The following RALA variants were observed in gnomAD, a reference collection of about 807,000 sequenced individuals.
RALA encodes RAS like proto-oncogene A.
In RALA, 5 loss-of-function variants were observed where a neutral mutation model predicts 24.0. The observed-to-expected ratio is 0.21, with a 90% confidence interval of 0.11 to 0.44. The LOEUF (loss-of-function observed/expected upper bound fraction) is 0.44, where lower values mean the gene tolerates loss of function less well. Ranked by LOEUF, RALA falls within the 20% of genes least tolerant of loss-of-function variation. RALA has a pLI of 0.99. For missense variants in RALA, 95 were observed against 241.2 expected (o/e 0.39, Z 4.01); for synonymous variants, 77 against 83.8 (o/e 0.92, Z 0.44).
chr7:39,624,300 GT>G (rs1791438181), intron 1 of RALA: 1 of 112,702 alleles, frequency 8.9e-6, no homozygotes, highest in Non-Finnish European at 1.7e-5. Context: ...TGTTTGTTTT[GT>G]TTGTTTGTGT....
At chr7:39,662,375 T>C (rs1737616402) in intron 1 of RALA, among the ~76,000 whole-genome samples, 1 of 152,184 alleles carries the variant, frequency 6.6e-6, no homozygotes, top group African/African-American at 2.4e-5. Context: ...TTTTTTCCTA[T>C]TGCATTGTCA....
chr7:39,691,499 G>A (rs542817772), intron 3 of RALA, among the ~76,000 whole-genome samples: 43 of 152,256 alleles, frequency 2.8e-4, no homozygotes, highest in African/African-American at 9.6e-4. Context: ...CAGAGGATCC[G>A]GGAGGGGAAA....
chr7:39,696,854 G>T lies in RALA; in HGVS notation c.493G>T (p.Asp165Tyr). ...ATCTGCTAAAACACGAGCTAATGTT[G>T]ACAAGGTAACACGTGACTCTTTACT... ...ETSAKTRANVDKVFFDLMREI... is the reference protein window; with the variant it reads ...ETSAKTRANVYKVFFDLMREI... Residue 165 changes from aspartate to tyrosine, a missense_variant, in exon 4 of 5, where the codon GAC (aspartate) becomes TAC (tyrosine). Transcript: ENST00000005257. The T allele has an allele frequency of 6.2e-7, 1 of 1,610,814 alleles. No homozygotes were observed. Among genetic ancestry groups the T allele is most frequent in the South Asian group, 1.1e-5 (1 of 90,030 alleles).
intron 1 of RALA, among the ~76,000 whole-genome samples, chr7:39,643,729 G>A (rs542638146): frequency 3.9e-4 from 60 of 152,176 alleles, no homozygotes; most frequent in African/African-American, 1.4e-3. Flanking sequence ...CGTGGCGCAC[G>A]CCTGTAATCC....
intron 1 of RALA, among the ~76,000 whole-genome samples, chr7:39,672,698 G>A (rs1792411975): frequency 6.7e-6 from 1 of 149,814 alleles, no homozygotes; most frequent in African/African-American, 2.5e-5. Flanking sequence ...CAATATTTGT[G>A]TGTCTCAAAA....
intron 1 of RALA, among the ~76,000 whole-genome samples, chr7:39,626,351 C>A (rs1791485882): frequency 6.6e-6 from 1 of 152,242 alleles, no homozygotes; most frequent in Non-Finnish European, 1.5e-5. Flanking sequence ...GGCTAGGCAC[C>A]TAGCTTGTGT....
intron 4 of RALA, among the ~76,000 whole-genome samples, chr7:39,705,502 G>C (rs1793104345): frequency 6.6e-6 from 1 of 151,990 alleles, no homozygotes. Context: ...ACTTTGAATT[G>C]TTATACTCGT....
chr7:39,692,867 AGTT>A (rs1583754479), intron 3 of RALA, among the ~76,000 whole-genome samples: 1 of 152,226 alleles, frequency 6.6e-6, no homozygotes, highest in African/African-American at 2.4e-5. Flanking sequence ...GTGGCAGGTT[AGTT>A]GTTGTTAACA....
chr7:39,689,268 C>G (rs1321807111), intron 2 of RALA, among the ~76,000 whole-genome samples: 3 of 152,180 alleles, frequency 2.0e-5, no homozygotes, highest in Non-Finnish European at 4.4e-5. Flanking sequence ...GCTGGCATTA[C>G]AGGCATGAGC....
chr7:39,661,292 C>G (rs1792184393), intron 1 of RALA, among the ~76,000 whole-genome samples: 1 of 152,186 alleles, frequency 6.6e-6, no homozygotes, highest in African/African-American at 2.4e-5. Flanking sequence ...ATCTCATGTC[C>G]TCACATTTCA....
At chr7:39,700,961 A>G (rs1474559731) in intron 4 of RALA, 2 of 152,246 alleles carry the variant, frequency 1.3e-5, no homozygotes, top group African/African-American at 4.8e-5. Context: ...TCCTGAGGAA[A>G]TAATCTAATA....
At chr7:39,650,529 A>G (rs1792002189) in intron 1 of RALA, among the ~76,000 whole-genome samples, 1 of 152,158 alleles carries the variant, frequency 6.6e-6, no homozygotes, top group Non-Finnish European at 1.5e-5. Context: ...GAAGGTAGTA[A>G]GACCCCTTTT....
At chr7:39,647,438 T>C (rs1791945555) in intron 1 of RALA, among the ~76,000 whole-genome samples, 1 of 152,198 alleles carries the variant, frequency 6.6e-6, no homozygotes, top group Non-Finnish European at 1.5e-5. Context: ...CTATCCTAGG[T>C]GTATTGTGTA....
At chr7:39,656,700 T>A (rs758655397) in intron 1 of RALA, among the ~76,000 whole-genome samples, 7 of 152,220 alleles carry the variant, frequency 4.6e-5, no homozygotes, top group Non-Finnish European at 8.8e-5. Context: ...TTATTTAAAC[T>A]CAGTCCTCCA....
At chr7:39,672,453 A>C (rs1022105406) in intron 1 of RALA, among the ~76,000 whole-genome samples, 8 of 152,314 alleles carry the variant, frequency 5.3e-5, no homozygotes, top group African/African-American at 1.9e-4. Context: ...AAATGCAAAA[A>C]GGTACAGCCA....
intron 3 of RALA, among the ~76,000 whole-genome samples, chr7:39,696,206 A>G (rs575387724): frequency 2.6e-4 from 39 of 152,332 alleles, no homozygotes; most frequent in Non-Finnish European, 5.0e-4. Context: ...TGGGTTTTGA[A>G]AAACAATTGG....
intron 1 of RALA, among the ~76,000 whole-genome samples, chr7:39,680,974 G>C (rs1432618552): frequency 6.6e-6 from 1 of 152,128 alleles, no homozygotes. Flanking sequence ...CCTGCAGCCG[G>C]CATCTATACC....
intron 1 of RALA, among the ~76,000 whole-genome samples, chr7:39,663,119 A>G (rs565283552): frequency 3.3e-5 from 5 of 152,266 alleles, no homozygotes; most frequent in African/African-American, 7.2e-5. Flanking sequence ...CTCCCACAAC[A>G]TGTAGGAATC....
chr7:39,624,778 C>T (rs1178018799), intron 1 of RALA, among the ~76,000 whole-genome samples: 1 of 152,104 alleles, frequency 6.6e-6, no homozygotes, highest in Non-Finnish European at 1.5e-5. Flanking sequence ...GGGGAACAAC[C>T]TTTATAAAAC....
Sources: gnomAD v4.1 joint callset for allele counts (sites outside exome capture counted in the v4.1 genomes callset) on GRCh38, gnomAD v4.1.1 for gene constraint, MANE v1.5 for transcripts, NCBI Gene and HGNC (gene_info 2026-07-23, HGNC 2026-07-21) for gene names.